ARHGAP42: variants seen among roughly 807,000 people sequenced by gnomAD.
The protein encoded by ARHGAP42 is rho GTPase-activating protein 42.
Under a neutral mutation model 125.0 loss-of-function variants are expected in ARHGAP42, and 63 were observed. The ratio of observed to expected loss-of-function variants is 0.50; its 90% confidence interval spans 0.41 to 0.62. The LOEUF (loss-of-function observed/expected upper bound fraction) is 0.62, where lower values mean the gene tolerates loss of function less well. Among genes scored for constraint, ARHGAP42 ranks in the 20% least tolerant of loss-of-function variants. ARHGAP42 has a pLI of 0.00. For synonymous variants in ARHGAP42, 339 were observed against 351.0 expected (o/e 0.97, Z 0.38); for missense variants, 766 against 1,024.2 (o/e 0.75, Z 3.44).
chr11:100,985,858 T>C (rs1033948987), intron 22 of ARHGAP42, among the ~76,000 whole-genome samples: 9 of 152,128 alleles, frequency 5.9e-5, no homozygotes, highest in African/African-American at 2.2e-4. Context: ...AAGTGTAGGG[T>C]TAAGATCCAG....
At chr11:100,767,097 G>T (rs1407309424) in intron 1 of ARHGAP42, among the ~76,000 whole-genome samples, 1 of 152,122 alleles carries the variant, frequency 6.6e-6, no homozygotes, top group Admixed American at 6.6e-5. Flanking sequence ...CACTTTCCAA[G>T]GTTATGTAAG....
At chr11:100,696,324 A>G (rs545963512) in intron 1 of ARHGAP42, among the ~76,000 whole-genome samples, 1 of 152,270 alleles carries the variant, frequency 6.6e-6, no homozygotes, top group Admixed American at 6.5e-5. Flanking sequence ...ATTCTATGGT[A>G]AAATGTCTAT....
At chr11:100,922,114 A>G (rs561309087) in intron 6 of ARHGAP42, among the ~76,000 whole-genome samples, 1 of 152,032 alleles carries the variant, frequency 6.6e-6, no homozygotes, top group Non-Finnish European at 1.5e-5. Context: ...TAAAAAGAGG[A>G]TGTGCATTAT....
At chr11:100,743,949 A>G (rs1862241059) in intron 1 of ARHGAP42, among the ~76,000 whole-genome samples, 2 of 152,162 alleles carry the variant, frequency 1.3e-5, no homozygotes, top group South Asian at 2.1e-4. Flanking sequence ...TCTTTCAAGT[A>G]TCTGAAATAG....
At chr11:100,728,641 A>G (rs192872270) in intron 1 of ARHGAP42, among the ~76,000 whole-genome samples, 53 of 147,830 alleles carry the variant, frequency 3.6e-4, no homozygotes, top group African/African-American at 8.2e-4. Context: ...TATCTTTAAC[A>G]TGAAGCAGTG....
rs1330225462 is a variant in ARHGAP42 at position 100,973,187 on chromosome 11, C to T, written c.1563C>T (p.His521=). ...TTTTTATTTGCAGAGTATCACTACA[C>T]AGCCAACAAAATCTCATGACTGTCT... ...LIKHLVKVSL[H]SQQNLMTVSN... is the part of the protein sequence containing the mutation. The change falls in exon 18 of 24, where the codon CAC becomes CAT. Residue 521 remains histidine, a synonymous_variant. Coordinates refer to ENST00000298815, the MANE Select transcript of ARHGAP42 (RefSeq NM_152432.4). 8.4e-6 allele frequency: 13 copies of T among 1,548,830 alleles called. No homozygotes were observed. The highest frequency in any genetic ancestry group is 1.0e-5 in the Non-Finnish European group (12 of 1,145,834).
intron 1 of ARHGAP42, among the ~76,000 whole-genome samples, chr11:100,754,109 T>C (rs1405084596): frequency 6.6e-6 from 1 of 152,244 alleles, no homozygotes; most frequent in African/African-American, 2.4e-5. Flanking sequence ...GTGCTACTTA[T>C]AACTACATGA....
At chr11:100,954,545 A>G (rs1857751718) in intron 12 of ARHGAP42, among the ~76,000 whole-genome samples, 1 of 152,086 alleles carries the variant, frequency 6.6e-6, no homozygotes, top group Non-Finnish European at 1.5e-5. Context: ...TCTTCTTCTC[A>G]TTCTATGCAG....
At chr11:100,825,694 T>G (rs1864500988) in intron 3 of ARHGAP42, among the ~76,000 whole-genome samples, 1 of 152,172 alleles carries the variant, frequency 6.6e-6, no homozygotes. Flanking sequence ...AGCATGCTCC[T>G]TAAATCTGCT....
At chr11:100,710,867 T>C (rs1861554457) in intron 1 of ARHGAP42, among the ~76,000 whole-genome samples, 1 of 152,180 alleles carries the variant, frequency 6.6e-6, no homozygotes, top group Non-Finnish European at 1.5e-5. Context: ...GAAAATCTCG[T>C]AGGGTGCCTT....
intron 1 of ARHGAP42, among the ~76,000 whole-genome samples, chr11:100,694,172 A>G (rs920126437): frequency 1.8e-4 from 28 of 152,030 alleles, no homozygotes; most frequent in African/African-American, 6.5e-4. Context: ...ACCTCAAGTG[A>G]TCCACCCACC....
At chr11:100,694,665 T>G (rs980927021) in intron 1 of ARHGAP42, among the ~76,000 whole-genome samples, 1 of 152,186 alleles carries the variant, frequency 6.6e-6, no homozygotes, top group Admixed American at 6.5e-5. Context: ...ATCCTTATAG[T>G]ATAGCTCCAG....
intron 1 of ARHGAP42, among the ~76,000 whole-genome samples, chr11:100,717,172 C>T (rs1398943072): frequency 1.3e-5 from 2 of 152,154 alleles, no homozygotes; most frequent in African/African-American, 2.4e-5. Context: ...TTAGTATTTA[C>T]TCTGCATGAA....
At chr11:100,771,603 ATT>A (rs879276143) in intron 2 of ARHGAP42, among the ~76,000 whole-genome samples, 1 of 146,328 alleles carries the variant, frequency 6.8e-6, no homozygotes. Flanking sequence ...AACATCTGGA[ATT>A]TTTTTTTTTT....
At chr11:100,875,627 A>G (rs1040932181) in intron 4 of ARHGAP42, among the ~76,000 whole-genome samples, 1 of 152,130 alleles carries the variant, frequency 6.6e-6, no homozygotes, top group Non-Finnish European at 1.5e-5. Flanking sequence ...CAACACATGA[A>G]GAACACGGTT....
chr11:100,750,022 T>A (rs957546673), intron 1 of ARHGAP42, among the ~76,000 whole-genome samples: 40 of 152,234 alleles, frequency 2.6e-4, no homozygotes, highest in African/African-American at 8.9e-4. Flanking sequence ...TTATTTCTCC[T>A]GATTTCTCAC....
intron 12 of ARHGAP42, among the ~76,000 whole-genome samples, chr11:100,956,603 T>C (rs866467920): frequency 4.6e-5 from 7 of 151,920 alleles, no homozygotes; most frequent in South Asian, 2.1e-4. Flanking sequence ...AGAAATATAA[T>C]CTTCTTGCAG....
chr11:100,858,086 G>GGTGTGTGTGTGTGTGTGTGTGTGT (rs201861404), intron 3 of ARHGAP42, among the ~76,000 whole-genome samples: 8 of 109,018 alleles, frequency 7.3e-5, no homozygotes, highest in African/African-American at 2.4e-4. Flanking sequence ...TCTGGATAGG[G>GGTGTGTGTGTGTGTGTGTGTGTGT]GTGTGTGTGT....
chr11:100,742,622 T>C (rs1000569354), intron 1 of ARHGAP42, among the ~76,000 whole-genome samples: 7 of 152,150 alleles, frequency 4.6e-5, no homozygotes, highest in African/African-American at 9.7e-5. Context: ...TCCATAGATA[T>C]CATCTGTATT....
Sources: gnomAD v4.1 joint callset for allele counts (sites outside exome capture counted in the v4.1 genomes callset) on GRCh38, gnomAD v4.1.1 for gene constraint, MANE v1.5 for transcripts, NCBI Gene and HGNC (gene_info 2026-07-23, HGNC 2026-07-21) for gene names.